The following ENO4 variants were observed in gnomAD, a reference collection of about 807,000 sequenced individuals.
ENO4 encodes enolase 4, also known as 2-phospho-D-glycerate hydro-lyase.
ENO4 carries 53 observed loss-of-function variants against 63.2 expected under a neutral mutation model. That is an observed-to-expected ratio of 0.84 (90% confidence interval 0.67 to 1.05). The LOEUF (loss-of-function observed/expected upper bound fraction) is 1.05. Among genes scored for constraint, ENO4 ranks in the 50% least tolerant of loss-of-function variants. The probability of loss-of-function intolerance (pLI) is 0.00; values close to 1 mark genes in which losing one functional copy is unlikely to be tolerated. For synonymous variants in ENO4, 266 were observed against 283.8 expected, an observed-to-expected ratio of 0.94 and a Z score of 0.63; for missense variants, 719 against 772.0, an observed-to-expected ratio of 0.93 and a Z score of 0.81.
intron 10 of ENO4, among the ~76,000 whole-genome samples, chr10:116,890,827 A>G (rs1022781655): frequency 2.0e-5 from 3 of 152,262 alleles, no homozygotes; most frequent in Non-Finnish European, 2.9e-5. Context: ...GGCAATGGCC[A>G]TGCCAACGCT....
At chr10:116,884,684 T>C (rs1042409371), downstream of ENO4, 3 of 157,472 alleles carry the variant, frequency 1.9e-5, no homozygotes, top group Admixed American at 1.8e-4. Context: ...TAAACCATCT[T>C]AGGGACTATT....
At chr10:116,885,345 A>G (rs1403933863), downstream of ENO4, 1 of 152,628 alleles carries the variant, frequency 6.6e-6, no homozygotes, top group Admixed American at 6.5e-5. Context: ...AACTTTGAAA[A>G]GCTGCATAAG....
intron 8 of ENO4, among the ~76,000 whole-genome samples, chr10:116,869,885 G>A (rs1336430799): frequency 2.9e-5 from 4 of 139,986 alleles, no homozygotes; most frequent in Non-Finnish European, 6.1e-5. Context: ...GTTCAACTTA[G>A]TTAACTCCGT....
At chr10:116,906,805 G>A (rs537886399) in intron 10 of ENO4, 100 of 1,353,806 alleles carry the variant, frequency 7.4e-5, no homozygotes, top group Non-Finnish European at 9.4e-5. Flanking sequence ...ATATACAAAA[G>A]AATATAAAAA....
At position 116,862,110 on chromosome 10, in the gene ENO4, A is replaced by G. The variant is rs140973357; in HGVS notation, c.937-689A>G. On this transcript the variant is annotated intron_variant, in intron 6 of 13. Coordinates refer to ENST00000341276, the MANE Select transcript of ENO4 (RefSeq NM_001242699.2). ...ACTTTTTAAGGGACAGTAGATTTAT[A>G]CTGATTCAGCCACTCTAATCCAGAC... Among the ~76,000 whole-genome samples, 267 of 152,246 alleles carry G rather than the reference A, an allele frequency of 1.8e-3. 1 individual carries two copies. The highest frequency in any genetic ancestry group is 6.1e-3 in the African/African-American group (255 of 41,556).
chr10:116,879,166 T>C, intron 11 of ENO4, 125 bp from the exon 12 acceptor site: 1 of 633,698 alleles, frequency 1.6e-6, no homozygotes, highest in Non-Finnish European at 2.7e-6. Flanking sequence ...GAATCCTAGG[T>C]AGGCAAATAA....
At chr10:116,904,502 T>C (rs1230477604) in intron 10 of ENO4, among the ~76,000 whole-genome samples, 1 of 152,220 alleles carries the variant, frequency 6.6e-6, no homozygotes, top group East Asian at 1.9e-4. Context: ...CAATTACAAG[T>C]CACTCCCTTA....
At chr10:116,906,548 T>C (rs1384401490) in intron 10 of ENO4, 1 of 1,375,410 alleles carries the variant, frequency 7.3e-7, no homozygotes, top group African/African-American at 1.5e-5. Flanking sequence ...TTTAAAAGAT[T>C]GTTTCATGTA....
At chr10:116,868,526 T>G in intron 7 of ENO4, 124 bp from the exon 8 acceptor site, 2 of 780,322 alleles carry the variant, frequency 2.6e-6, no homozygotes, top group South Asian at 2.9e-5. Flanking sequence ...TGTGTGTGCG[T>G]GTATGTGTGC....
At chr10:116,894,740 G>GA (rs1311900822) in intron 10 of ENO4, among the ~76,000 whole-genome samples, 18 of 152,196 alleles carry the variant, frequency 1.2e-4, no homozygotes, top group African/African-American at 4.3e-4. Context: ...CAACTGTTAG[G>GA]AGGATATTCA....
At chr10:116,867,537 C>T (rs1846579250) in intron 7 of ENO4, among the ~76,000 whole-genome samples, 1 of 152,020 alleles carries the variant, frequency 6.6e-6, no homozygotes, top group African/African-American at 2.4e-5. Flanking sequence ...TGTAATGAGA[C>T]ATGACTGTGC....
At chr10:116,863,217 G>C (rs1846461924) in intron 7 of ENO4, among the ~76,000 whole-genome samples, 1 of 152,184 alleles carries the variant, frequency 6.6e-6, no homozygotes, top group Admixed American at 6.5e-5. Flanking sequence ...AGGGCCCCTG[G>C]CAGAGCAGCC....
intron 7 of ENO4, among the ~76,000 whole-genome samples, chr10:116,863,735 G>T (rs771273444): frequency 6.6e-6 from 1 of 152,160 alleles, no homozygotes; most frequent in Non-Finnish European, 1.5e-5. Context: ...TGCAGGCAGG[G>T]GGCACGGGCC....
At chr10:116,879,198 T>C in intron 11 of ENO4, 93 bp from the exon 12 acceptor site, 1 of 880,990 alleles carries the variant, frequency 1.1e-6, no homozygotes, top group Non-Finnish European at 1.7e-6. Context: ...CAGGGAAGTT[T>C]TAAATCTGAG....
chr10:116,880,950 G>A lies in ENO4; in HGVS notation c.1724-565G>A, dbSNP rs565246991. Among the ~76,000 whole-genome samples the A allele has an allele frequency of 1.1e-4, 17 of 152,230 alleles. No individual in the cohort carries two copies. In the East Asian group the frequency reaches 1.9e-3, roughly 17 times the overall value. On this transcript the variant is annotated intron_variant, in intron 13 of 13. Transcript: ENST00000341276. ...ACCCCTCTGTGGTGACAGTGCAGCC[G>A]CCTCAGTATTCCACAATAGATTAAC... is the stretch of plus-strand genomic sequence containing the variant.
rs557831843 is a variant in ENO4, at chr10:116,849,749, G to C, written c.165+18G>C. On this transcript the variant is annotated intron_variant, in intron 1 of 13. Coordinates refer to ENST00000341276, the MANE Select transcript of ENO4 (RefSeq NM_001242699.2). The stretch of plus-strand genomic sequence containing the variant: ...GGCACCTGGTAGGGACCTGGGACAA[G>C]CGCTCTCCTCCCGCCAACCCCTCTC... 1 of 1,491,610 alleles carries C rather than the reference G, an allele frequency of 6.7e-7. No individual in the cohort carries two copies. The highest frequency in any genetic ancestry group is 2.5e-5 in the East Asian group (1 of 39,514). The allele number at this position is 1,491,610 out of a possible 1,614,324, so 92.4% of individuals were successfully genotyped here. A position where few individuals can be genotyped will look rare whatever the true frequency, so the allele number is the denominator to read the frequency against.
At chr10:116,889,909 A>G (rs1589775688) in intron 10 of ENO4, among the ~76,000 whole-genome samples, 2 of 152,212 alleles carry the variant, frequency 1.3e-5, no homozygotes, top group East Asian at 3.9e-4. Context: ...CTTGGCTCCC[A>G]CGGGCAGCTG....
intron 7 of ENO4, among the ~76,000 whole-genome samples, chr10:116,867,521 C>T (rs1442700924): frequency 2.0e-5 from 3 of 151,634 alleles, no homozygotes; most frequent in African/African-American, 7.3e-5. Flanking sequence ...CTCAGGCGTT[C>T]GAGGCTGTAA....
downstream of ENO4, chr10:116,886,069 T>C (rs1242656812): frequency 7.1e-6 from 3 of 421,480 alleles, no homozygotes; most frequent in East Asian, 1.2e-4. Flanking sequence ...AATTTTTTTG[T>C]AACCTTCTAA....
Sources: allele counts gnomAD v4.1 joint callset (sites outside exome capture counted in the v4.1 genomes callset), GRCh38; gene constraint gnomAD v4.1.1; transcripts MANE v1.5; gene names NCBI Gene and HGNC (gene_info 2026-07-23, HGNC 2026-07-21).